ZNF275: variants seen among roughly 807,000 people sequenced by gnomAD.
ZNF275 encodes zinc finger protein 275.
In ZNF275, 4 loss-of-function variants were observed where a neutral mutation model predicts 4.3. That is an observed-to-expected ratio of 0.93 (90% CI 0.46 to 2.13). ZNF275 has a LOEUF of 2.13. Among genes scored for constraint, ZNF275 ranks in the 30% most tolerant of loss-of-function variants. ZNF275 has a pLI of 0.02. For missense variants in ZNF275, 352 were observed against 397.1 expected (o/e 0.89, Z 0.97); for synonymous variants, 173 against 166.9 (o/e 1.04, Z -0.28).
At chrX:153,346,227 G>T (rs1468622839) in intron 3 of ZNF275, among the ~76,000 whole-genome samples, 1 of 110,266 alleles carries the variant, frequency 9.1e-6, no homozygotes, top group Non-Finnish European at 1.9e-5. Context: ...AGCTCTTGGA[G>T]TTGAAGTTAA....
intron 2 of ZNF275, among the ~76,000 whole-genome samples, chrX:153,337,641 C>T (rs1261228793): frequency 8.9e-6 from 1 of 112,174 alleles, no homozygotes; most frequent in Non-Finnish European, 1.9e-5. Context: ...AATTATCAGG[C>T]AGTAGGTTGA....
intron 2 of ZNF275, among the ~76,000 whole-genome samples, chrX:153,342,153 C>G (rs2088483595): frequency 8.9e-6 from 1 of 112,046 alleles, no homozygotes; most frequent in Non-Finnish European, 1.9e-5. Flanking sequence ...CATTTGAGAT[C>G]ATTTCTATTG....
Position 153,349,590 on chromosome X carries a change from TTTTAA to T in ZNF275, c.*1619_*1623del, listed in dbSNP as rs1254654047. ...TTTATTACGTTTTTGTTGTGAAAGC[TTTTAA>T]TTTTTACATATCCAAGCATTCATTT... On this transcript the variant is annotated 3_prime_UTR_variant, in exon 4 of 4. Coordinates refer to ENST00000650114, the MANE Select transcript of ZNF275 (RefSeq NM_001367757.1). 8.1e-6 allele frequency: 1 copy of T among 124,032 alleles called. No individual in the cohort carries two copies. The highest frequency in any genetic ancestry group is 1.9e-5 in the Non-Finnish European group (1 of 53,452). The allele number at this position is 124,032 out of a possible 1,213,427, so 10.2% of individuals were successfully genotyped here.
At chrX:153,346,628 C>T (rs781916538) in intron 3 of ZNF275, among the ~76,000 whole-genome samples, 191 bp from the exon 4 acceptor site, 1 of 112,814 alleles carries the variant, frequency 8.9e-6, no homozygotes, top group East Asian at 2.8e-4. Context: ...CTCCTCAGCA[C>T]CACTGTGGTA....
intron 2 of ZNF275, among the ~76,000 whole-genome samples, chrX:153,338,877 G>A (rs978316792): frequency 2.7e-5 from 3 of 111,026 alleles, no homozygotes; most frequent in South Asian, 3.9e-4. Flanking sequence ...TCTTCTGGCT[G>A]TGGCGTGGTG....
chrX:153,339,365 G>A (rs190768521), intron 2 of ZNF275, among the ~76,000 whole-genome samples: 1 of 111,559 alleles, frequency 9.0e-6, no homozygotes, highest in East Asian at 2.8e-4. Flanking sequence ...TTCTAAGGAG[G>A]TGACATTAGA....
intron 2 of ZNF275, among the ~76,000 whole-genome samples, chrX:153,338,484 G>A (rs2124204235): frequency 9.0e-6 from 1 of 110,680 alleles, no homozygotes; most frequent in African/African-American, 3.3e-5. Flanking sequence ...CTACAGGAAG[G>A]GGCACTCCTG....
rs912417693 is a variant in ZNF275, at chrX:153,348,479, A to G, written c.*504A>G. 29 of 123,382 alleles carry G rather than the reference A, an allele frequency of 2.4e-4. No individual in the cohort carries two copies. The highest frequency in any genetic ancestry group is 9.1e-4 in the African/African-American group (28 of 30,777). The allele number at this position is 123,382 out of a possible 1,213,427, so 10.2% of individuals were successfully genotyped here. A position where few individuals can be genotyped will look rare whatever the true frequency, so the allele number is the denominator to read the frequency against. On this transcript the variant is annotated 3_prime_UTR_variant, in exon 4 of 4. Transcript: ENST00000650114. ...AATTTATTAATTTAGTTATACATAC[A>G]TACTGTAAATCACATATTATATAAA...
intron 2 of ZNF275, among the ~76,000 whole-genome samples, chrX:153,342,812 A>G (rs182136483): frequency 2.1e-4 from 24 of 112,705 alleles, no homozygotes; most frequent in African/African-American, 7.1e-4. Flanking sequence ...TAGTCAGGAA[A>G]GACTCAAGGG....
At chrX:153,337,655 T>C (rs1265988345) in intron 2 of ZNF275, among the ~76,000 whole-genome samples, 7 of 112,295 alleles carry the variant, frequency 6.2e-5, no homozygotes, top group African/African-American at 2.3e-4. Context: ...AGGTTGACAT[T>C]GACATCACTA....
chrX:153,350,284 G>A lies in ZNF275; in HGVS notation c.*2309G>A, dbSNP rs1022634203. On this transcript the variant is annotated 3_prime_UTR_variant, in exon 4 of 4. Coordinates refer to ENST00000650114, the MANE Select transcript of ZNF275 (RefSeq NM_001367757.1). Reference sequence around the variant, plus strand: ...ACCCTGCCCCTCCGATGGCTTGTGCGTTATGCTGATAGAAGCTGGCAGCAC... The same window carrying A: ...ACCCTGCCCCTCCGATGGCTTGTGCATTATGCTGATAGAAGCTGGCAGCAC... The A allele has an allele frequency of 1.8e-4, 22 of 123,943 alleles. No homozygotes were observed. Among genetic ancestry groups the A allele is most frequent in the South Asian group, 7.4e-4 (2 of 2,710 alleles). 10.2% of individuals were successfully genotyped at this position (123,943 alleles called of 1,213,427 possible). A position where few individuals can be genotyped will look rare whatever the true frequency, so the allele number is the denominator to read the frequency against.
Position 153,347,351 on chromosome X carries a change from C to T in ZNF275, c.666C>T (p.Thr222=). Reference sequence around the variant, plus strand: ...GCGGGCGGTCGTTCAAAGTCAACACCCACCTCTTCCGACATCAGAAACTTC... The same window carrying T: ...GCGGGCGGTCGTTCAAAGTCAACACTCACCTCTTCCGACATCAGAAACTTC... ...EECGRSFKVN[T]HLFRHQKLHT... is the part of the protein sequence containing the mutation. The change falls in exon 4 of 4, where the codon ACC becomes ACT. Residue 222 remains threonine (T), a synonymous_variant. Transcript: ENST00000650114. The T allele has an allele frequency of 8.2e-7, 1 of 1,212,162 alleles. No individual in the cohort carries two copies. Among genetic ancestry groups the T allele is most frequent in the South Asian group, 1.8e-5 (1 of 57,038 alleles).
rs781799037 is a variant in ZNF275, at chrX:153,349,787, C to T, written c.*1812C>T. 2 of 123,637 alleles carry T rather than the reference C, an allele frequency of 1.6e-5. No individual in the cohort carries two copies. Among genetic ancestry groups the T allele is most frequent in the South Asian group, 3.8e-4 (1 of 2,652 alleles). The allele number at this position is 123,637 out of a possible 1,213,427, so 10.2% of individuals were successfully genotyped here. On this transcript the variant is annotated 3_prime_UTR_variant, in exon 4 of 4. Coordinates refer to ENST00000650114, the MANE Select transcript of ZNF275 (RefSeq NM_001367757.1). ...GGGCCAGAGAAGCAGGCTCTTTCCTCATCCGAGATGCGGACTCCCTGTCTA... is the reference window on the plus strand; with the variant it reads ...GGGCCAGAGAAGCAGGCTCTTTCCTTATCCGAGATGCGGACTCCCTGTCTA...
In ZNF275 at chrX:153,347,857, G is replaced by A. The variant is rs2088530595; in HGVS notation, c.1172G>A (p.Gly391Asp). Residue 391 changes from glycine to aspartate, a missense_variant, in exon 4 of 4, where the codon GGC (glycine) becomes GAC (aspartate). Gly to Asp is a moderately conservative substitution (Grantham distance 94). Coordinates refer to ENST00000650114, the MANE Select transcript of ZNF275 (RefSeq NM_001367757.1). ...GGCAAGGCCTTCCGCCGGAGCTCCGGCCTCAGTCGCCACCGGCGGATCCAC... is the reference window on the plus strand; with the variant it reads ...GGCAAGGCCTTCCGCCGGAGCTCCGACCTCAGTCGCCACCGGCGGATCCAC... ...KCGKAFRRSS[G>D]LSRHRRIHSG... is the part of the protein sequence containing the mutation. The A allele has an allele frequency of 1.7e-6, 2 of 1,204,758 alleles. No individual in the cohort carries two copies. Among genetic ancestry groups the A allele is most frequent in the Non-Finnish European group, 1.1e-6 (1 of 891,744 alleles).
rs782359440 is a variant in ZNF275 at position 153,351,453 on chromosome X, G to A, written c.*3478G>A. The A allele has an allele frequency of 5.4e-4, 65 of 120,091 alleles. No homozygotes were observed. The highest frequency in any genetic ancestry group is 9.6e-4 in the Non-Finnish European group (51 of 53,180). The allele number at this position is 120,091 out of a possible 1,213,427, so 9.9% of individuals were successfully genotyped here. A position where few individuals can be genotyped will look rare whatever the true frequency, so the allele number is the denominator to read the frequency against. ...CTAATCTCATGTATTCCTGTTGTGAGGAAATGTGTTCTTTTCCCGATCCTT... is the reference window on the plus strand; with the variant it reads ...CTAATCTCATGTATTCCTGTTGTGAAGAAATGTGTTCTTTTCCCGATCCTT... On this transcript the variant is annotated 3_prime_UTR_variant, in exon 4 of 4. Transcript: ENST00000650114.
At chrX:153,339,070 C>T (rs782780990) in intron 2 of ZNF275, among the ~76,000 whole-genome samples, 5 of 110,827 alleles carry the variant, frequency 4.5e-5, no homozygotes, top group African/African-American at 1.6e-4. Context: ...TCTCCAAACA[C>T]GTGTAGTGCA....
chrX:153,334,904 G>A (rs1335230224), intron 1 of ZNF275, among the ~76,000 whole-genome samples: 1 of 106,862 alleles, frequency 9.4e-6, no homozygotes, highest in Admixed American at 9.9e-5. Flanking sequence ...GCTTGGTGGG[G>A]AGAATGGGGG....
rs34010706 is a variant in ZNF275, at chrX:153,334,871, TGG to T, written c.-47+594_-47+595del. 1.6e-4 allele frequency among the ~76,000 whole-genome samples: 9 copies of T among 55,109 alleles called. 1 individual carries two copies. The South Asian group carries it at 0.01, about 63-fold the overall frequency. The allele number at this position is 55,109 out of a possible 115,157, so 47.9% of individuals were successfully genotyped here. A position where few individuals can be genotyped will look rare whatever the true frequency, so the allele number is the denominator to read the frequency against. The stretch of plus-strand genomic sequence containing the variant: ...TCCTTTCCTTTTGAGTGGGTGGGAG[TGG>T]GGGGGGGCGGTTAAGCCTCAGCTTG... On this transcript the variant is annotated intron_variant, in intron 1 of 3. Transcript: ENST00000650114.
rs1475931330 is a variant in ZNF275, at chrX:153,348,458, TATTA to T, written c.*487_*490del. On this transcript the variant is annotated 3_prime_UTR_variant, in exon 4 of 4. Coordinates refer to ENST00000650114, the MANE Select transcript of ZNF275 (RefSeq NM_001367757.1). ...CTCAAATGTCTTAAAATATTTAATTTATTAATTTAGTTATACATACATACTGTAA... is the reference window on the plus strand; with the variant it reads ...CTCAAATGTCTTAAAATATTTAATTTATTTAGTTATACATACATACTGTAA... 8.1e-6 allele frequency: 1 copy of T among 123,488 alleles called. No homozygotes were observed. Among genetic ancestry groups the T allele is most frequent in the Non-Finnish European group, 1.9e-5 (1 of 53,376 alleles). 10.2% of individuals were successfully genotyped at this position (123,488 alleles called of 1,213,427 possible). A position where few individuals can be genotyped will look rare whatever the true frequency, so the allele number is the denominator to read the frequency against.
Sources: allele counts gnomAD v4.1 joint callset (sites outside exome capture counted in the v4.1 genomes callset), GRCh38; gene constraint gnomAD v4.1.1; transcripts MANE v1.5; gene names NCBI Gene and HGNC (gene_info 2026-07-23, HGNC 2026-07-21).